The following N4BP1 variants were observed in gnomAD, a reference collection of about 807,000 sequenced individuals.
N4BP1 encodes NEDD4-binding protein 1.
A neutral mutation model predicts 70.9 loss-of-function variants in N4BP1; 21 were observed. That is an observed-to-expected ratio of 0.30 (90% confidence interval 0.21 to 0.43). The LOEUF is 0.43. Among genes scored for constraint, N4BP1 ranks in the 20% least tolerant of loss-of-function variants. N4BP1 has a pLI of 1.00. For synonymous variants in N4BP1, 387 were observed against 394.6 expected (o/e 0.98, Z 0.23); for missense variants, 936 against 1,069.4 (o/e 0.88, Z 1.74).
chr16:48,603,095 G>C (rs1878324254), intron 1 of N4BP1, among the ~76,000 whole-genome samples: 1 of 152,126 alleles, frequency 6.6e-6, no homozygotes, highest in Non-Finnish European at 1.5e-5. Flanking sequence ...TCTGAAGTCA[G>C]TACTGTAATA....
Position 48,609,816 on chromosome 16 carries a change from G to A in N4BP1, c.157C>T (p.Leu53=), listed in dbSNP as rs751341653. ...GCCTCCTGCGCCCCGCAGAGCTGCA[G>A]CCAGATGCGCGCGGGCAGCGGCTCC... The part of the protein sequence containing the change: ...AEEPLPARIW[L]QLCGAQEAVH... The change falls in exon 1 of 7, where the codon CTG becomes TTG. Residue 53 remains leucine (L), a synonymous_variant. Transcript: ENST00000262384. 30 of 1,485,786 alleles carry A rather than the reference G, an allele frequency of 2.0e-5. No homozygotes were observed. The Admixed American group carries it at 3.7e-4, about 18-fold the overall frequency. 92.0% of individuals were successfully genotyped at this position (1,485,786 alleles called of 1,614,324 possible).
chr16:48,569,702 GCTATATATCTATCCCACATGTATGCCA>G (rs1963989208), intron 1 of N4BP1, among the ~76,000 whole-genome samples: 3 of 152,136 alleles, frequency 2.0e-5, no homozygotes, highest in African/African-American at 7.2e-5. Flanking sequence ...GGCCTGCAAT[GCTATATATCTATCCCACATGTATGCCA>G]CTGTGTAGCC....
chr16:48,580,934 C>A (rs561618536), intron 1 of N4BP1, among the ~76,000 whole-genome samples: 1 of 152,016 alleles, frequency 6.6e-6, no homozygotes, highest in East Asian at 1.9e-4. Flanking sequence ...ATAGATTATA[C>A]GCAAACACTA....
chr16:48,549,905 G>A (rs1248477609), intron 4 of N4BP1, among the ~76,000 whole-genome samples: 1 of 152,202 alleles, frequency 6.6e-6, no homozygotes, highest in Non-Finnish European at 1.5e-5. Flanking sequence ...GTTGTTGTTA[G>A]TGCTATAAGC....
intron 1 of N4BP1, among the ~76,000 whole-genome samples, chr16:48,596,651 C>G (rs1300589414): frequency 6.6e-6 from 1 of 152,242 alleles, no homozygotes; most frequent in African/African-American, 2.4e-5. Flanking sequence ...AACCTTTCAG[C>G]TGTCCTTGCT....
rs145057456 is a variant in N4BP1 at position 48,545,574 on chromosome 16, A to G, written c.2333+573T>C. ...ACCTGGGCAACAAGAGTGAAATTCCATCTCAAAAAAAATAAATCAATAAAA... is the reference window on the plus strand; with the variant it reads ...ACCTGGGCAACAAGAGTGAAATTCCGTCTCAAAAAAAATAAATCAATAAAA... On this transcript the variant is annotated intron_variant, in intron 6 of 6. Transcript: ENST00000262384. Among the ~76,000 whole-genome samples the G allele has an allele frequency of 2.1e-4, 32 of 151,802 alleles. No individual in the cohort carries two copies. The East Asian group carries it at 5.9e-3, about 28-fold the overall frequency.
Position 48,569,721 on chromosome 16 carries a change from T to G in N4BP1, c.199-7277A>C, listed in dbSNP as rs1007733928. On this transcript the variant is annotated intron_variant, in intron 1 of 6. Coordinates refer to ENST00000262384, the MANE Select transcript of N4BP1 (RefSeq NM_153029.4). ...TGCAATGCTATATATCTATCCCACA[T>G]GTATGCCACTGTGTAGCCATTCTGG... 3.3e-5 allele frequency among the ~76,000 whole-genome samples: 5 copies of G among 152,312 alleles called. No homozygotes were observed. In the East Asian group the frequency reaches 9.7e-4, roughly 29 times the overall value.
chr16:48,599,665 G>A (rs1448474434), intron 1 of N4BP1, among the ~76,000 whole-genome samples: 4 of 152,168 alleles, frequency 2.6e-5, no homozygotes, highest in Non-Finnish European at 5.9e-5. Flanking sequence ...GGAAAATAAT[G>A]TAATCCATAT....
At chr16:48,576,180 C>A (rs557927789) in intron 1 of N4BP1, among the ~76,000 whole-genome samples, 1 of 151,924 alleles carries the variant, frequency 6.6e-6, no homozygotes, top group African/African-American at 2.4e-5. Flanking sequence ...AGAAAAAAAA[C>A]AAATTTTTAA....
At chr16:48,582,044 A>G (rs186781824) in intron 1 of N4BP1, among the ~76,000 whole-genome samples, 1 of 152,324 alleles carries the variant, frequency 6.6e-6, no homozygotes, top group African/African-American at 2.4e-5. Flanking sequence ...TTTGCAAACT[A>G]TACACATAAG....
chr16:48,605,976 T>C (rs759450618), intron 1 of N4BP1, among the ~76,000 whole-genome samples: 76 of 152,162 alleles, frequency 5.0e-4, no homozygotes, highest in South Asian at 1.5e-3. Flanking sequence ...AGAGCAACCC[T>C]TCCATTCCTG....
chr16:48,608,106 A>G (rs1964611566), intron 1 of N4BP1, among the ~76,000 whole-genome samples: 1 of 152,202 alleles, frequency 6.6e-6, no homozygotes, highest in South Asian at 2.1e-4. Context: ...AACAGAAAAA[A>G]ATAGGTAAAT....
At chr16:48,548,367 T>A (rs1179295110) in intron 4 of N4BP1, among the ~76,000 whole-genome samples, 1 of 152,230 alleles carries the variant, frequency 6.6e-6, no homozygotes, top group African/African-American at 2.4e-5. Context: ...TCAACTATAA[T>A]TTATTCAAAA....
At position 48,553,525 on chromosome 16, in the gene N4BP1, TC is replaced by T; in HGVS notation, c.2020+13del. On this transcript the variant is annotated intron_variant, in intron 3 of 6. Transcript: ENST00000262384. ...ACATTTCACTAGAAATCTGAAAAAA[TC>T]AGTTTGCCTCACCTGTGACATTAGG... 6.6e-7 allele frequency: 1 copy of T among 1,522,536 alleles called. No homozygotes were observed. Among genetic ancestry groups the T allele is most frequent in the South Asian group, 1.3e-5 (1 of 74,834 alleles). The allele number at this position is 1,522,536 out of a possible 1,614,324, so 94.3% of individuals were successfully genotyped here. A position where few individuals can be genotyped will look rare whatever the true frequency, so the allele number is the denominator to read the frequency against.
At chr16:48,589,070 T>C (rs939270593) in intron 1 of N4BP1, among the ~76,000 whole-genome samples, 21 of 152,224 alleles carry the variant, frequency 1.4e-4, no homozygotes, top group African/African-American at 4.8e-4. Flanking sequence ...TGTAGATTTT[T>C]GTCCAGTATA....
At chr16:48,608,679 G>GC (rs1964624544) in intron 1 of N4BP1, among the ~76,000 whole-genome samples, 1 of 151,292 alleles carries the variant, frequency 6.6e-6, no homozygotes, top group African/African-American at 2.4e-5. Flanking sequence ...AGATAGAGGT[G>GC]CTGAAGAGGT....
chr16:48,594,127 A>G (rs1383019659), intron 1 of N4BP1, among the ~76,000 whole-genome samples: 2 of 152,138 alleles, frequency 1.3e-5, no homozygotes, highest in African/African-American at 4.8e-5. Context: ...AAGATAACGA[A>G]AGGTTTTCAT....
At chr16:48,585,924 G>C (rs1483028648) in intron 1 of N4BP1, among the ~76,000 whole-genome samples, 1 of 152,042 alleles carries the variant, frequency 6.6e-6, no homozygotes, top group East Asian at 1.9e-4. Flanking sequence ...TCCAACTCCT[G>C]ATCTCAAGTG....
At chr16:48,545,028 G>A (rs1466365317) in intron 6 of N4BP1, among the ~76,000 whole-genome samples, 1 of 151,936 alleles carries the variant, frequency 6.6e-6, no homozygotes, top group African/African-American at 2.4e-5. Flanking sequence ...GTAGTGGCAC[G>A]ATCTCGGCTC....
Sources: allele counts gnomAD v4.1 joint callset (sites outside exome capture counted in the v4.1 genomes callset), GRCh38; gene constraint gnomAD v4.1.1; transcripts MANE v1.5; gene names NCBI Gene and HGNC (gene_info 2026-07-23, HGNC 2026-07-21).